AGBL4: variants seen among roughly 807,000 people sequenced by gnomAD.
AGBL4 encodes the protein AGBL carboxypeptidase 4.
In AGBL4, 58 loss-of-function variants were observed where a neutral mutation model predicts 66.4. The ratio of observed to expected loss-of-function variants is 0.87; its 90% CI spans 0.71 to 1.09. The LOEUF is 1.09. Among genes scored for constraint, AGBL4 ranks in the 50% least tolerant of loss-of-function variants. The pLI is 0.00. For missense variants in AGBL4, 579 were observed against 631.0 expected, an observed-to-expected ratio of 0.92 and a Z score of 0.88; for synonymous variants, 234 against 222.9, an observed-to-expected ratio of 1.05 and a Z score of -0.44.
intron 3 of AGBL4, among the ~76,000 whole-genome samples, chr1:49,656,141 C>T (rs1313387837): frequency 1.6e-4 from 24 of 149,294 alleles, no homozygotes; most frequent in East Asian, 5.9e-4. Context: ...AGTGAGACTC[C>T]GTCTCAAAAA....
At chr1:48,896,378 C>T (rs192784081) in intron 5 of AGBL4, among the ~76,000 whole-genome samples, 10 of 152,338 alleles carry the variant, frequency 6.6e-5, no homozygotes, top group Non-Finnish European at 1.0e-4. Flanking sequence ...AACAAGAAAA[C>T]TAATACCTAC....
intron 6 of AGBL4, among the ~76,000 whole-genome samples, chr1:48,673,889 G>T (rs1646317470): frequency 2.0e-5 from 3 of 152,134 alleles, no homozygotes; most frequent in Admixed American, 2.0e-4. Flanking sequence ...GCTCAACACC[G>T]CCCCCATTGC....
intron 2 of AGBL4, among the ~76,000 whole-genome samples, chr1:49,821,155 G>C (rs1479912146): frequency 6.6e-6 from 1 of 152,074 alleles, no homozygotes; most frequent in East Asian, 1.9e-4. Flanking sequence ...GCTTTTAAAA[G>C]GAATAGGTAC....
chr1:48,698,663 C>A (rs1406534893), intron 6 of AGBL4, among the ~76,000 whole-genome samples: 1 of 152,220 alleles, frequency 6.6e-6, no homozygotes. Flanking sequence ...AGGAGACAAA[C>A]CTTGCCCAAG....
chr1:49,544,222 A>G (rs1487839459), intron 3 of AGBL4, among the ~76,000 whole-genome samples: 1 of 152,214 alleles, frequency 6.6e-6, no homozygotes, highest in East Asian at 1.9e-4. Flanking sequence ...GGTTATGGTC[A>G]TTGGACTGTC....
At chr1:49,833,605 T>C (rs1645758651) in intron 2 of AGBL4, among the ~76,000 whole-genome samples, 1 of 152,122 alleles carries the variant, frequency 6.6e-6, no homozygotes, top group South Asian at 2.1e-4. Context: ...TTTCACGATA[T>C]TGATTCTTCC....
chr1:49,477,995 G>C lies in AGBL4; in HGVS notation c.282+219318C>G, dbSNP rs373488764. ...AAAGCATAAGTGATCTTGAATACAG[G>C]CTATTTGAAAATACACAGTCAGATG... On this transcript the variant is annotated intron_variant, in intron 3 of 13. Transcript: ENST00000371839. Among the ~76,000 whole-genome samples the C allele has an allele frequency of 3.4e-4, 51 of 151,434 alleles. 1 individual carries two copies. In the South Asian group the frequency reaches 9.6e-3, roughly 29 times the overall value.
At chr1:49,196,204 C>T (rs1458516999) in intron 4 of AGBL4, among the ~76,000 whole-genome samples, 1 of 152,078 alleles carries the variant, frequency 6.6e-6, no homozygotes, top group Non-Finnish European at 1.5e-5. Flanking sequence ...GCATACTTCT[C>T]AAGGCTTTGT....
At chr1:49,151,834 T>C (rs1646341962) in intron 4 of AGBL4, among the ~76,000 whole-genome samples, 1 of 152,198 alleles carries the variant, frequency 6.6e-6, no homozygotes, top group Admixed American at 6.5e-5. Flanking sequence ...TATTTAAATA[T>C]GAATCCTTCC....
At chr1:48,612,517 T>C (rs1645254558) in intron 9 of AGBL4, among the ~76,000 whole-genome samples, 3 of 152,342 alleles carry the variant, frequency 2.0e-5, no homozygotes, top group South Asian at 4.1e-4. Flanking sequence ...GGCTTCTTTC[T>C]ACAGTCTTAC....
chr1:48,906,182 A>T (rs1011839358), intron 5 of AGBL4, among the ~76,000 whole-genome samples: 2 of 152,174 alleles, frequency 1.3e-5, no homozygotes, highest in African/African-American at 2.4e-5. Context: ...AGGGGAGGGA[A>T]CCATGAAGAT....
chr1:48,653,542 A>G (rs981344890), intron 7 of AGBL4, 91 bp from the exon 8 acceptor site: 8 of 991,332 alleles, frequency 8.1e-6, no homozygotes, highest in African/African-American at 1.6e-5. Flanking sequence ...GAAGAGCTCA[A>G]TAGGTGATTT....
At chr1:49,820,434 A>C (rs1210171062) in intron 2 of AGBL4, among the ~76,000 whole-genome samples, 1 of 152,174 alleles carries the variant, frequency 6.6e-6, no homozygotes, top group African/African-American at 2.4e-5. Flanking sequence ...ATTATTCCTA[A>C]AGGATTGAGT....
At chr1:49,290,203 C>T (rs1378084684) in intron 3 of AGBL4, among the ~76,000 whole-genome samples, 1 of 152,066 alleles carries the variant, frequency 6.6e-6, no homozygotes, top group Non-Finnish European at 1.5e-5. Context: ...TTTAAGTGAC[C>T]TATAACAACC....
At position 49,573,445 on chromosome 1, in the gene AGBL4, T is replaced by A. The variant is rs929778447; in HGVS notation, c.282+123868A>T. Reference sequence around the variant, plus strand: ...TGCATTTGACACTCCTAATTCACCATTTGTGAGAGGCAAGGAGTTTAGTGA... The same window carrying A: ...TGCATTTGACACTCCTAATTCACCAATTGTGAGAGGCAAGGAGTTTAGTGA... On this transcript the variant is annotated intron_variant, in intron 3 of 13. Coordinates refer to ENST00000371839, the MANE Select transcript of AGBL4 (RefSeq NM_032785.4). 1.4e-4 allele frequency among the ~76,000 whole-genome samples: 22 copies of A among 152,110 alleles called. 1 individual carries two copies.
intron 1 of AGBL4, among the ~76,000 whole-genome samples, chr1:49,894,310 G>T (rs1319434602): frequency 1.3e-5 from 2 of 151,992 alleles, no homozygotes; most frequent in Admixed American, 6.6e-5. Context: ...TCAATGCCTG[G>T]ACATGAATGA....
At chr1:49,038,968 G>C (rs1664882970) in intron 5 of AGBL4, among the ~76,000 whole-genome samples, 1 of 152,050 alleles carries the variant, frequency 6.6e-6, no homozygotes, top group African/African-American at 2.4e-5. Flanking sequence ...TCAATAGGTA[G>C]ATAAGTAAAC....
chr1:48,869,819 C>T (rs888738900), intron 5 of AGBL4, among the ~76,000 whole-genome samples: 2 of 152,064 alleles, frequency 1.3e-5, no homozygotes, highest in Non-Finnish European at 2.9e-5. Flanking sequence ...TTCAACTATC[C>T]TCTCACATTT....
intron 5 of AGBL4, among the ~76,000 whole-genome samples, chr1:48,953,060 A>T (rs1254811833): frequency 6.6e-6 from 1 of 152,144 alleles, no homozygotes. Flanking sequence ...ATGTCTGAGG[A>T]TCAACTGAGA....
Sources: allele counts gnomAD v4.1 joint callset (sites outside exome capture counted in the v4.1 genomes callset), GRCh38; gene constraint gnomAD v4.1.1; transcripts MANE v1.5; gene names NCBI Gene and HGNC (gene_info 2026-07-23, HGNC 2026-07-21).